C16orf95: variants seen among roughly 807,000 people sequenced by gnomAD.
C16orf95 encodes the protein chromosome 16 open reading frame 95, also known as uncharacterized protein C16orf95.
In C16orf95, 41 loss-of-function variants were observed where a neutral mutation model predicts 32.1. The observed-to-expected ratio is 1.28, with a 90% CI of 1.00 to 1.66. The LOEUF is 1.66. Among genes scored for constraint, C16orf95 ranks in the 40% most tolerant of loss-of-function variants. C16orf95 has a pLI of 0.00. For missense variants in C16orf95, 399 were observed against 325.9 expected, an observed-to-expected ratio of 1.22 and a Z score of -1.73; for synonymous variants, 147 against 128.9, an observed-to-expected ratio of 1.14 and a Z score of -0.95.
chr16:87,303,229 G>T lies in C16orf95; in HGVS notation c.702-154C>A. On this transcript the variant is annotated intron_variant, in intron 6 of 6. Coordinates refer to ENST00000567970, the MANE Select transcript of C16orf95 (RefSeq NM_001195124.3). The stretch of plus-strand genomic sequence containing the variant: ...AATCCCAGGCAGGGAAGGGGTGCAG[G>T]GATGAGGGGTGGGGTGCAGTCCTGG... The T allele has an allele frequency of 5.4e-6, 4 of 739,892 alleles. No individual in the cohort carries two copies. The South Asian group carries it at 6.2e-5, about 12-fold the overall frequency. The allele number at this position is 739,892 out of a possible 1,614,324, so 45.8% of individuals were successfully genotyped here.
At chr16:87,309,055 C>T (rs1911154426) in intron 5 of C16orf95, among the ~76,000 whole-genome samples, 1 of 152,144 alleles carries the variant, frequency 6.6e-6, no homozygotes, top group Admixed American at 6.5e-5. Context: ...AATGAGTCAC[C>T]CATCTGGAAA....
intron 6 of C16orf95, among the ~76,000 whole-genome samples, chr16:87,304,542 CT>C (rs1910924483): frequency 6.6e-6 from 1 of 152,250 alleles, no homozygotes; most frequent in African/African-American, 2.4e-5. Flanking sequence ...AGAAGGAAAG[CT>C]CTCGCTGTTG....
intron 2 of C16orf95, 135 bp downstream of exon 2, chr16:87,315,637 G>A (rs904268946): frequency 6.0e-6 from 4 of 666,724 alleles, no homozygotes; most frequent in African/African-American, 5.6e-5. Flanking sequence ...CCCAGGGATA[G>A]CTCCTGCAAC....
At position 87,310,299 on chromosome 16, in the gene C16orf95, T is replaced by C; in HGVS notation, c.512A>G (p.Gln171Arg). Residue 171 changes from glutamine (Q) to arginine (R), a missense_variant and splice_region_variant, in exon 5 of 7, where the codon CAA becomes CGA. Transcript: ENST00000567970. ...VRRQQSLKGI[Q>R]APLLDACCWH... is the part of the protein sequence containing the mutation. ...AGACACACACACACTGGAGTTACCT[T>C]GGATGCCTTTCAAACTCTGCTGCCT... 1 of 1,536,102 alleles carries C rather than the reference T, an allele frequency of 6.5e-7. No homozygotes were observed. Among genetic ancestry groups the C allele is most frequent in the Non-Finnish European group, 8.7e-7 (1 of 1,146,900 alleles).
rs116498093 is a variant in C16orf95 at position 87,310,173 on chromosome 16, A to G, written c.514+124T>C. On this transcript the variant is annotated intron_variant, in intron 5 of 6. Transcript: ENST00000567970. ...GAGCAGGGGAAGGGAAGCCACATTC[A>G]TGTCACTGTCACACTGTGGGCAGGT... The G allele has an allele frequency of 2.4e-3, 2,378 of 983,554 alleles. 46 individuals carry two copies. The African/African-American group carries it at 0.035, about 14-fold the overall frequency. The allele number at this position is 983,554 out of a possible 1,614,324, so 60.9% of individuals were successfully genotyped here.
rs1473631661 is a variant in C16orf95, at chr16:87,317,191, CATG to C, written c.49_51del (p.His17del). 2 of 1,530,412 alleles carry C rather than the reference CATG, an allele frequency of 1.3e-6. No homozygotes were observed. The highest frequency in any genetic ancestry group is 1.7e-6 in the Non-Finnish European group (2 of 1,144,600). 94.8% of individuals were successfully genotyped at this position (1,530,412 alleles called of 1,614,324 possible). Reference sequence around the variant, plus strand: ...GCGCCTGAGGCTGCTCCAGTGGCCTCATGATGATGGTGACAACGCCGCGGGGAC... The same window carrying C: ...GCGCCTGAGGCTGCTCCAGTGGCCTCATGATGGTGACAACGCCGCGGGGAC... On this transcript the variant is annotated inframe_deletion, in exon 1 of 7. Coordinates refer to ENST00000567970, the MANE Select transcript of C16orf95 (RefSeq NM_001195124.3).
At chr16:87,312,087 C>G (rs1361339556) in intron 3 of C16orf95, among the ~76,000 whole-genome samples, 1 of 152,230 alleles carries the variant, frequency 6.6e-6, no homozygotes, top group East Asian at 1.9e-4. Context: ...ACTCTTGCCT[C>G]AGTTCCTCAC....
chr16:87,307,793 T>C (rs1911093483), intron 5 of C16orf95, among the ~76,000 whole-genome samples: 1 of 152,022 alleles, frequency 6.6e-6, no homozygotes. Context: ...AAATAAAAAA[T>C]ATCAACTTTG....
intron 5 of C16orf95, among the ~76,000 whole-genome samples, chr16:87,307,787 A>AAAAAATT (rs1354610814): frequency 3.3e-5 from 5 of 152,176 alleles, no homozygotes; most frequent in African/African-American, 7.2e-5. Flanking sequence ...AATAAAAAAT[A>AAAAAATT]AAAAATATCA....
At chr16:87,307,027 ATTAT>A (rs369732442) in intron 5 of C16orf95, among the ~76,000 whole-genome samples, 12 of 152,252 alleles carry the variant, frequency 7.9e-5, no homozygotes, top group Admixed American at 3.9e-4. Context: ...TTGGTTGGTG[ATTAT>A]TTGTTTCCCA....
chr16:87,302,950 G>A lies in C16orf95; in HGVS notation c.*107C>T, dbSNP rs1188606639. 10 of 1,181,176 alleles carry A rather than the reference G, an allele frequency of 8.5e-6. No individual in the cohort carries two copies. Among genetic ancestry groups the A allele is most frequent in the African/African-American group, 3.0e-5 (2 of 66,122 alleles). 73.2% of individuals were successfully genotyped at this position (1,181,176 alleles called of 1,614,324 possible). On this transcript the variant is annotated 3_prime_UTR_variant, in exon 7 of 7. Transcript: ENST00000567970. ...GAATCCTGGGTGTGGATTCTGTTCT[G>A]AGAAGACAGCGACTGTCACAGACGC... is the stretch of plus-strand genomic sequence containing the variant.
In C16orf95 at chr16:87,303,016, A is replaced by G; in HGVS notation, c.*41T>C. 6.5e-7 allele frequency: 1 copy of G among 1,534,496 alleles called. No individual in the cohort carries two copies. The highest frequency in any genetic ancestry group is 8.7e-7 in the Non-Finnish European group (1 of 1,145,394). On this transcript the variant is annotated 3_prime_UTR_variant, in exon 7 of 7. Transcript: ENST00000567970. ...CTCTCAAAGATCTTGATCGTGACAC[A>G]TTTTTGTGGCTGTTCTTGACAGTAG...
Position 87,312,583 on chromosome 16 carries a change from A to AAG in C16orf95, c.331-1288_331-1287insCT, listed in dbSNP as rs554128261. Among the ~76,000 whole-genome samples the AAG allele has an allele frequency of 2.6e-3, 396 of 150,242 alleles. 3 individuals carry two copies. Among genetic ancestry groups the AAG allele is most frequent in the Non-Finnish European group, 4.5e-3 (304 of 67,794 alleles). On this transcript the variant is annotated intron_variant, in intron 3 of 6. Transcript: ENST00000567970. ...GACTCCATCTCAAAAAAAAAAAAAA[A>AAG]AAAGAAAGAAAAGAAAAGAAAAAGA...
chr16:87,305,587 C>G lies in C16orf95; in HGVS notation c.701+132G>C, dbSNP rs779710729. 1 of 778,426 alleles carries G rather than the reference C, an allele frequency of 1.3e-6. No individual in the cohort carries two copies. Among genetic ancestry groups the G allele is most frequent in the Non-Finnish European group, 2.0e-6 (1 of 509,472 alleles). The allele number at this position is 778,426 out of a possible 1,614,324, so 48.2% of individuals were successfully genotyped here. A position where few individuals can be genotyped will look rare whatever the true frequency, so the allele number is the denominator to read the frequency against. On this transcript the variant is annotated intron_variant, in intron 6 of 6. Transcript: ENST00000567970. The surrounding 1 kb of genome is among the most constrained non-coding windows in gnomAD (Gnocchi z 4.2). Reference sequence around the variant, plus strand: ...AGCACCACAGGACACACTCACAGTGCCGGGCCTTGGACGCCTGTCAAGTTA... The same window carrying G: ...AGCACCACAGGACACACTCACAGTGGCGGGCCTTGGACGCCTGTCAAGTTA...
intron 5 of C16orf95, among the ~76,000 whole-genome samples, chr16:87,309,256 T>C (rs1911164502): frequency 6.6e-6 from 1 of 152,118 alleles, no homozygotes; most frequent in African/African-American, 2.4e-5. Flanking sequence ...AATTAGATCC[T>C]GTTCAGATAT....
intron 5 of C16orf95, among the ~76,000 whole-genome samples, chr16:87,306,447 G>A (rs2150647500): frequency 6.6e-6 from 1 of 152,150 alleles, no homozygotes; most frequent in East Asian, 1.9e-4. Flanking sequence ...ACTAGAGTTT[G>A]TTTTTATTTT....
In C16orf95 at chr16:87,305,817, G is replaced by T; in HGVS notation, c.603C>A (p.Ala201=). The T allele has an allele frequency of 6.7e-6, 10 of 1,502,190 alleles. No individual in the cohort carries two copies. The highest frequency in any genetic ancestry group is 1.8e-6 in the Non-Finnish European group (2 of 1,131,882). 93.1% of individuals were successfully genotyped at this position (1,502,190 alleles called of 1,614,324 possible). The part of the protein sequence containing the change: ...CLLSKFQQLQ[A]PYQDQLPAPA... ...GAGCCGGTAGCTGGTCCTGGTAGGGGGCCTGGAGCTGCTGGAACTTGGACA... is the reference window on the plus strand; with the variant it reads ...GAGCCGGTAGCTGGTCCTGGTAGGGTGCCTGGAGCTGCTGGAACTTGGACA... The change falls in exon 6 of 7, where the codon GCC becomes GCA. Residue 201 remains alanine, a synonymous_variant. Transcript: ENST00000567970. The surrounding 1 kb of genome is among the most constrained non-coding windows in gnomAD (Gnocchi z 4.2).
chr16:87,302,855 C>T lies in C16orf95; in HGVS notation c.*202G>A. ...TAACATTTATTGACCACATTCATAA[C>T]AGAAACTCACCCACATTCACATGAA... is the stretch of plus-strand genomic sequence containing the variant. On this transcript the variant is annotated 3_prime_UTR_variant, in exon 7 of 7. Coordinates refer to ENST00000567970, the MANE Select transcript of C16orf95 (RefSeq NM_001195124.3). 1 of 608,566 alleles carries T rather than the reference C, an allele frequency of 1.6e-6. No homozygotes were observed. The highest frequency in any genetic ancestry group is 2.6e-5 in the Admixed American group (1 of 38,078). 37.7% of individuals were successfully genotyped at this position (608,566 alleles called of 1,614,324 possible).
At chr16:87,310,458 T>C in intron 4 of C16orf95, 125 bp from the exon 5 acceptor site, 8 of 906,080 alleles carry the variant, frequency 8.8e-6, no homozygotes, top group Non-Finnish European at 1.4e-5. Context: ...CAAGGGCTCC[T>C]CCTTATGAGG....
Sources: gnomAD v4.1 joint callset for allele counts (sites outside exome capture counted in the v4.1 genomes callset) on GRCh38, gnomAD v4.1.1 for gene constraint, Gnocchi (gnomAD v3.1) non-coding constraint, MANE v1.5 for transcripts, NCBI Gene and HGNC (gene_info 2026-07-23, HGNC 2026-07-21) for gene names.